The following MGMT variants were observed in gnomAD, a reference collection of about 807,000 sequenced individuals.
The protein encoded by MGMT is methylated-DNA--protein-cysteine methyltransferase.
In MGMT, 14 loss-of-function variants were observed where a neutral mutation model predicts 15.9. The ratio of observed to expected loss-of-function variants is 0.88; its 90% CI spans 0.58 to 1.37. MGMT has a LOEUF of 1.37. Among genes scored for constraint, MGMT ranks in the 40% most tolerant of loss-of-function variants. MGMT has a pLI of 0.00. For missense variants in MGMT, 282 were observed against 268.1 expected (o/e 1.05, Z -0.36); for synonymous variants, 130 against 118.2 (o/e 1.10, Z -0.65).
intron 2 of MGMT, chr10:129,536,787 G>T (rs949465288): frequency 6.5e-6 from 1 of 153,618 alleles, no homozygotes; most frequent in Admixed American, 6.5e-5. Flanking sequence ...AGCGTTCCCT[G>T]TTCCTCCAGA....
chr10:129,751,648 A>G (rs945076317), intron 3 of MGMT, among the ~76,000 whole-genome samples: 11 of 151,914 alleles, frequency 7.2e-5, no homozygotes, highest in African/African-American at 2.7e-4. Flanking sequence ...ACTTAATACT[A>G]TAAATTTTCC....
intron 2 of MGMT, among the ~76,000 whole-genome samples, chr10:129,589,579 A>G (rs971709549): frequency 1.3e-5 from 2 of 152,232 alleles, no homozygotes; most frequent in African/African-American, 4.8e-5. Context: ...CAGGAGTGAA[A>G]CATCTTGACT....
chr10:129,552,681 C>T (rs1228429718), intron 2 of MGMT, among the ~76,000 whole-genome samples: 2 of 152,180 alleles, frequency 1.3e-5, no homozygotes, highest in African/African-American at 4.8e-5. Flanking sequence ...TGCCCGAGTT[C>T]CTGAGACTTC....
chr10:129,664,840 TGAAAATATGC>T (rs1847639530), intron 2 of MGMT, among the ~76,000 whole-genome samples: 2 of 152,114 alleles, frequency 1.3e-5, no homozygotes, highest in Admixed American at 1.3e-4. Context: ...GATAAGCATA[TGAAAATATGC>T]TCAACATCTT....
At chr10:129,710,454 G>A (rs1014408833) in intron 3 of MGMT, among the ~76,000 whole-genome samples, 8 of 152,210 alleles carry the variant, frequency 5.3e-5, no homozygotes, top group Non-Finnish European at 1.0e-4. Flanking sequence ...GCCTGCCTGC[G>A]GATGGTTAGT....
intron 1 of MGMT, among the ~76,000 whole-genome samples, chr10:129,477,106 C>T (rs1024551076): frequency 1.3e-5 from 2 of 152,122 alleles, no homozygotes; most frequent in East Asian, 3.9e-4. Context: ...ACTCGTGTCC[C>T]TCTCTTCCCA....
chr10:129,672,108 TG>T (rs1847731207), intron 2 of MGMT, among the ~76,000 whole-genome samples: 1 of 152,230 alleles, frequency 6.6e-6, no homozygotes, highest in Non-Finnish European at 1.5e-5. Flanking sequence ...CACAGGGAAT[TG>T]CTGGCAAGTT....
At chr10:129,573,530 TG>T in intron 2 of MGMT, among the ~76,000 whole-genome samples, 1 of 152,232 alleles carries the variant, frequency 6.6e-6, no homozygotes, top group Non-Finnish European at 1.5e-5. Flanking sequence ...GTTTTGCTTT[TG>T]TTAATCATAT....
Position 129,766,977 on chromosome 10 carries a change from C to A in MGMT, c.604C>A (p.Pro202Thr). 6.2e-7 allele frequency: 1 copy of A among 1,603,826 alleles called. No homozygotes were observed. Among genetic ancestry groups the A allele is most frequent in the South Asian group, 1.1e-5 (1 of 89,796 alleles). Residue 202 changes from proline (P) to threonine (T), a missense_variant, in exon 5 of 5, where the codon CCG becomes ACG. Physicochemically the swap from Pro to Thr is conservative, Grantham distance 38. Transcript: ENST00000651593. Reference sequence around the variant, plus strand: ...GGGAGCGGGAGCTACCTCGGGCTCCCCGCCTGCTGGCCGAAACTGAGTATG... The same window carrying A: ...GGGAGCGGGAGCTACCTCGGGCTCCACGCCTGCTGGCCGAAACTGAGTATG... Reference protein sequence around the residue: ...LKGAGATSGSPPAGRN With the variant: ...LKGAGATSGSTPAGRN
chr10:129,714,413 GT>G (rs1432661761), intron 3 of MGMT, among the ~76,000 whole-genome samples: 1 of 152,212 alleles, frequency 6.6e-6, no homozygotes, highest in African/African-American at 2.4e-5. Flanking sequence ...CTAGGAGAGA[GT>G]TTTTAAAGTT....
At chr10:129,625,903 T>A (rs1437983470) in intron 2 of MGMT, among the ~76,000 whole-genome samples, 1 of 152,196 alleles carries the variant, frequency 6.6e-6, no homozygotes, top group Admixed American at 6.5e-5. Context: ...AAATCCCTTT[T>A]TGATATTTGC....
At chr10:129,509,743 GT>G (rs1265410520) in intron 1 of MGMT, among the ~76,000 whole-genome samples, 1 of 152,166 alleles carries the variant, frequency 6.6e-6, no homozygotes, top group Non-Finnish European at 1.5e-5. Context: ...GAGTTGCTTG[GT>G]CCATTGAAAT....
intron 2 of MGMT, among the ~76,000 whole-genome samples, chr10:129,642,057 G>A (rs1847333197): frequency 6.6e-6 from 1 of 152,150 alleles, no homozygotes; most frequent in Admixed American, 6.5e-5. Flanking sequence ...ACCTTCAACA[G>A]ACACAGAGAA....
intron 2 of MGMT, among the ~76,000 whole-genome samples, chr10:129,586,110 A>G (rs1846615278): frequency 6.6e-6 from 1 of 152,160 alleles, no homozygotes; most frequent in Non-Finnish European, 1.5e-5. Flanking sequence ...AATGGTGTGC[A>G]ATTTAGAACG....
At chr10:129,696,042 G>T (rs1361327506) in intron 2 of MGMT, among the ~76,000 whole-genome samples, 1 of 152,080 alleles carries the variant, frequency 6.6e-6, no homozygotes, top group East Asian at 1.9e-4. Context: ...CTACAGACAG[G>T]GCCTGCTGGT....
chr10:129,565,291 G>C (rs1038895696), intron 2 of MGMT, among the ~76,000 whole-genome samples: 2 of 142,738 alleles, frequency 1.4e-5, no homozygotes, highest in Non-Finnish European at 3.0e-5. Context: ...GTAAAAGACA[G>C]TAAAAAAAAA....
At chr10:129,703,615 G>C (rs1234300894) in intron 2 of MGMT, among the ~76,000 whole-genome samples, 1 of 152,116 alleles carries the variant, frequency 6.6e-6, no homozygotes, top group African/African-American at 2.4e-5. Flanking sequence ...TCTTACCCGG[G>C]GACCGTACAA....
intron 3 of MGMT, among the ~76,000 whole-genome samples, chr10:129,741,759 G>C (rs1325591072): frequency 6.6e-6 from 1 of 152,192 alleles, no homozygotes; most frequent in Non-Finnish European, 1.5e-5. Context: ...CCAGTGCCTG[G>C]GCCCTGAGTC....
chr10:129,747,018 G>T (rs1350416882), intron 3 of MGMT, among the ~76,000 whole-genome samples: 1 of 152,046 alleles, frequency 6.6e-6, no homozygotes, highest in East Asian at 1.9e-4. Flanking sequence ...TCAGCATTTT[G>T]TAATTTCCAA....
Sources: gnomAD v4.1 joint callset for allele counts (sites outside exome capture counted in the v4.1 genomes callset) on GRCh38, gnomAD v4.1.1 for gene constraint, MANE v1.5 for transcripts, NCBI Gene and HGNC (gene_info 2026-07-23, HGNC 2026-07-21) for gene names.